The following RP1 variants were observed in gnomAD, a reference collection of about 807,000 sequenced individuals.
The protein encoded by RP1 is oxygen-regulated protein 1.
In RP1, 16 loss-of-function variants were observed where a neutral mutation model predicts 14.8. That is an observed-to-expected ratio of 1.08 (90% CI 0.73 to 1.65). RP1 has a LOEUF of 1.65. Among genes scored for constraint, RP1 ranks in the 40% most tolerant of loss-of-function variants. RP1 has a pLI of 0.00. For synonymous variants in RP1, 876 were observed against 883.6 expected, an observed-to-expected ratio of 0.99 and a Z score of 0.15; for missense variants, 2,631 against 2,535.0, an observed-to-expected ratio of 1.04 and a Z score of -0.81.
chr8:54,794,407 A>T (rs981199438), intron 24 of RP1, among the ~76,000 whole-genome samples: 1 of 124,142 alleles, frequency 8.1e-6, no homozygotes, highest in African/African-American at 2.7e-5. Flanking sequence ...GCCCAGAAAT[A>T]AACGCATGCA....
chr8:54,567,250 G>A (rs1192276450), intron 1 of RP1, among the ~76,000 whole-genome samples: 4 of 152,094 alleles, frequency 2.6e-5, no homozygotes, highest in African/African-American at 9.7e-5. Context: ...TCTCAGTCGC[G>A]GAATGTGCAC....
intron 19 of RP1, among the ~76,000 whole-genome samples, chr8:54,752,195 C>T (rs1395035476): frequency 6.6e-6 from 1 of 152,120 alleles, no homozygotes; most frequent in Non-Finnish European, 1.5e-5. Context: ...TATTTCTGGT[C>T]CCAAAAACAT....
intron 14 of RP1, among the ~76,000 whole-genome samples, chr8:54,705,758 G>A (rs1231733155): frequency 6.6e-6 from 1 of 151,386 alleles, no homozygotes; most frequent in Non-Finnish European, 1.5e-5. Context: ...GTGTTGTTGA[G>A]TATGGTCCTT....
At chr8:54,631,845 AT>A (rs36032942), downstream of RP1, among the ~76,000 whole-genome samples, 280 of 145,952 alleles carry the variant, frequency 1.9e-3, 1 homozygote, top group Admixed American at 3.1e-3. Flanking sequence ...AAGGGATAAG[AT>A]TTTTTTTTTT....
intron 1 of RP1, among the ~76,000 whole-genome samples, chr8:54,578,126 G>A (rs2129295472): frequency 6.6e-6 from 1 of 152,172 alleles, no homozygotes; most frequent in South Asian, 2.1e-4. Flanking sequence ...AGTCCCTGGA[G>A]TGTGATGTTC....
chr8:54,766,103 C>T (rs1809754218), intron 22 of RP1, among the ~76,000 whole-genome samples: 1 of 152,128 alleles, frequency 6.6e-6, no homozygotes, highest in African/African-American at 2.4e-5. Context: ...CTAATCTTTG[C>T]ATGAGTTCCC....
At chr8:54,776,641 G>A (rs1414030053) in intron 23 of RP1, among the ~76,000 whole-genome samples, 1 of 152,192 alleles carries the variant, frequency 6.6e-6, no homozygotes. Context: ...TGATTAAAGA[G>A]GCAATAGGAC....
exon 23 of RP1, chr8:54,769,747 T>C (rs1263531805): frequency 2.6e-6 from 4 of 1,529,182 alleles, no homozygotes; most frequent in Non-Finnish European, 3.5e-6. Context: ...TCAGATGGCT[T>C]CCTTTCATGT....
chr8:54,734,638 A>G (rs1162524293), exon 18 of RP1: 3 of 1,535,808 alleles, frequency 2.0e-6, no homozygotes, highest in Admixed American at 2.0e-5. Context: ...ACTCAAGCCA[A>G]TGTCACTCTC....
exon 6 of RP1, chr8:54,656,089 C>A (rs1415190908): frequency 6.5e-7 from 1 of 1,527,186 alleles, no homozygotes; most frequent in Admixed American, 2.0e-5. Context: ...ATAGATACAG[C>A]TGCATAATAT....
intron 6 of RP1, among the ~76,000 whole-genome samples, chr8:54,662,666 C>T (rs1263957771): frequency 6.6e-6 from 1 of 152,158 alleles, no homozygotes; most frequent in Non-Finnish European, 1.5e-5. Context: ...ACCGAGCCCC[C>T]ATATCTGAGG....
chr8:54,699,959 T>A (rs1006740332), intron 13 of RP1, among the ~76,000 whole-genome samples: 7 of 152,186 alleles, frequency 4.6e-5, no homozygotes, highest in African/African-American at 1.7e-4. Flanking sequence ...ATTTATTTTT[T>A]AAAATAATAC....
intron 1 of RP1, among the ~76,000 whole-genome samples, chr8:54,607,186 T>G (rs545796000): frequency 2.6e-5 from 4 of 152,258 alleles, no homozygotes; most frequent in Non-Finnish European, 2.9e-5. Flanking sequence ...TATCTACCTT[T>G]GGTGTTTGAT....
chr8:54,819,463 TG>T (rs1007285277), intron 24 of RP1, among the ~76,000 whole-genome samples: 15 of 152,174 alleles, frequency 9.9e-5, no homozygotes, highest in Non-Finnish European at 1.9e-4. Context: ...GATTAGTCCC[TG>T]GTGCCTTATT....
intron 22 of RP1, among the ~76,000 whole-genome samples, chr8:54,764,062 C>CA (rs1385433662): frequency 6.6e-6 from 1 of 152,226 alleles, no homozygotes; most frequent in East Asian, 1.9e-4. Flanking sequence ...ACTCCAGACT[C>CA]ACGCCCTTTT....
intron 19 of RP1, among the ~76,000 whole-genome samples, chr8:54,740,908 C>T (rs999230336): frequency 6.6e-5 from 10 of 151,656 alleles, no homozygotes; most frequent in Non-Finnish European, 1.0e-4. Flanking sequence ...TGGTGGCAGG[C>T]GCCTGTAGTC....
chr8:54,572,108 G>C (rs62514565), intron 1 of RP1, among the ~76,000 whole-genome samples: 1 of 152,096 alleles, frequency 6.6e-6, no homozygotes, highest in African/African-American at 2.4e-5. Context: ...TAATAAAGGG[G>C]TCATGCTATT....
At chr8:54,727,254 A>G (rs1808678774) in intron 17 of RP1, among the ~76,000 whole-genome samples, 1 of 152,096 alleles carries the variant, frequency 6.6e-6, no homozygotes, top group Non-Finnish European at 1.5e-5. Context: ...TTTTTGCTGC[A>G]AAGGACTAGT....
intron 1 of RP1, among the ~76,000 whole-genome samples, chr8:54,578,266 G>C (rs1369185301): frequency 1.3e-5 from 2 of 152,106 alleles, no homozygotes; most frequent in African/African-American, 4.8e-5. Flanking sequence ...GAGTGCAGTG[G>C]TGCAATCATA....
Sources: allele counts gnomAD v4.1 joint callset (sites outside exome capture counted in the v4.1 genomes callset), GRCh38; gene constraint gnomAD v4.1.1; transcripts MANE v1.5; gene names NCBI Gene and HGNC (gene_info 2026-07-23, HGNC 2026-07-21).